GIPC2: variants seen among roughly 807,000 people sequenced by gnomAD.
The protein encoded by GIPC2 is GIPC PDZ domain containing family member 2.
Under a neutral mutation model 30.6 loss-of-function variants are expected in GIPC2, and 30 were observed. The ratio of observed to expected loss-of-function variants is 0.98; its 90% CI spans 0.73 to 1.33. The LOEUF is 1.33. GIPC2 is among the 40% of genes most tolerant of loss of function. The pLI, the probability that GIPC2 is intolerant of heterozygous loss-of-function variation, is 0.00. For synonymous variants in GIPC2, 167 were observed against 150.0 expected, an observed-to-expected ratio of 1.11 and a Z score of -0.83; for missense variants, 414 against 390.3, an observed-to-expected ratio of 1.06 and a Z score of -0.51.
chr1:78,051,494 C>T lies in GIPC2; in HGVS notation c.240+5160C>T, dbSNP rs115458555. ...CAGAGTACTTGAGAAGCAGAAAAGG[C>T]AAGAAGTGTTATTCTTTTTTTTTTG... On this transcript the variant is annotated intron_variant, in intron 1 of 5. Coordinates refer to ENST00000370759, the MANE Select transcript of GIPC2 (RefSeq NM_017655.6). 3.0e-3 allele frequency among the ~76,000 whole-genome samples: 464 copies of T among 152,226 alleles called. 2 individuals carry two copies. The highest frequency in any genetic ancestry group is 0.01 in the Middle Eastern group (3 of 294).
At chr1:78,124,997 A>C (rs1662756034) in intron 4 of GIPC2, among the ~76,000 whole-genome samples, 1 of 151,982 alleles carries the variant, frequency 6.6e-6, no homozygotes, top group South Asian at 2.1e-4. Context: ...AAACAAAACA[A>C]AGCAAGACAA....
chr1:78,116,980 A>G (rs1415249515), intron 3 of GIPC2, among the ~76,000 whole-genome samples: 1 of 151,234 alleles, frequency 6.6e-6, no homozygotes, highest in African/African-American at 2.4e-5. Context: ...CAACAGTGTA[A>G]AAGTGTTCCT....
chr1:78,095,810 G>A (rs79866497), intron 3 of GIPC2, among the ~76,000 whole-genome samples: 2,297 of 152,170 alleles, frequency 0.015, 65 homozygotes, highest in African/African-American at 0.053. Flanking sequence ...ATTCATCAGC[G>A]TTAAAATATC....
chr1:78,124,039 A>G (rs1164509520), intron 4 of GIPC2, among the ~76,000 whole-genome samples: 3 of 152,252 alleles, frequency 2.0e-5, no homozygotes, highest in Non-Finnish European at 4.4e-5. Flanking sequence ...ACAAAACAAC[A>G]TATATTTATA....
chr1:78,071,797 C>T (rs867390291), intron 1 of GIPC2, among the ~76,000 whole-genome samples: 3 of 152,080 alleles, frequency 2.0e-5, no homozygotes, highest in African/African-American at 4.8e-5. Flanking sequence ...AGAAAAAGCC[C>T]GAATTCTAGT....
intron 2 of GIPC2, among the ~76,000 whole-genome samples, chr1:78,083,405 T>C (rs1661868855): frequency 6.6e-6 from 1 of 152,200 alleles, no homozygotes; most frequent in Admixed American, 6.5e-5. Context: ...TTTGTCTCAT[T>C]GTTTGTGAGA....
chr1:78,049,893 C>CTTTTT (rs35263483), intron 1 of GIPC2, among the ~76,000 whole-genome samples: 17 of 98,464 alleles, frequency 1.7e-4, no homozygotes, highest in Non-Finnish European at 2.0e-4. Flanking sequence ...AGAAAAACCT[C>CTTTTT]TTTTTTTTTT....
At chr1:78,134,360 G>GTA (rs998784697) in intron 5 of GIPC2, among the ~76,000 whole-genome samples, 2 of 151,494 alleles carry the variant, frequency 1.3e-5, no homozygotes, top group African/African-American at 2.4e-5. Context: ...GTGTGTGTGT[G>GTA]TGTATGTATG....
At chr1:78,089,029 C>T (rs1661988914) in intron 2 of GIPC2, 1 of 152,112 alleles carries the variant, frequency 6.6e-6, no homozygotes, top group African/African-American at 2.4e-5. Flanking sequence ...TCACCATGTG[C>T]AGAGACCATG....
upstream of GIPC2, chr1:78,045,934 G>C (rs1165670692): frequency 7.4e-7 from 1 of 1,357,408 alleles, no homozygotes; most frequent in East Asian, 3.1e-5. Flanking sequence ...CCGGTCCAGG[G>C]GTGGAGGTCG....
chr1:78,051,251 T>C (rs947336543), intron 1 of GIPC2, among the ~76,000 whole-genome samples: 7 of 151,892 alleles, frequency 4.6e-5, no homozygotes, highest in African/African-American at 7.2e-5. Context: ...AACAAAGAAA[T>C]ATTATTAACA....
intron 1 of GIPC2, among the ~76,000 whole-genome samples, chr1:78,055,929 G>A (rs1429315676): frequency 2.0e-5 from 3 of 152,084 alleles, no homozygotes; most frequent in Admixed American, 6.6e-5. Flanking sequence ...AGTATTTTCC[G>A]TTCTCTATGA....
At chr1:78,070,667 T>C (rs1285443372) in intron 1 of GIPC2, among the ~76,000 whole-genome samples, 2 of 152,222 alleles carry the variant, frequency 1.3e-5, no homozygotes, top group Non-Finnish European at 2.9e-5. Context: ...CTTTGGGATT[T>C]TGATTTTCTT....
intron 5 of GIPC2, 50 bp from the exon 6 acceptor site, chr1:78,135,542 C>T: frequency 2.6e-6 from 3 of 1,138,494 alleles, no homozygotes; most frequent in South Asian, 1.5e-5. Context: ...TTTCTCAGTC[C>T]TTTGATGCTA....
In GIPC2 at chr1:78,136,523, C is replaced by A. The variant is rs372483816; in HGVS notation, c.*780C>A. On this transcript the variant is annotated 3_prime_UTR_variant, in exon 6 of 6. Coordinates refer to ENST00000370759, the MANE Select transcript of GIPC2 (RefSeq NM_017655.6). ...TCACTCATAGCCACTTTTATGTTAC[C>A]TTTTATAAGCACTCCAGGGAAGATT... 1 of 147,482 alleles carries A rather than the reference C, an allele frequency of 6.8e-6. No homozygotes were observed. The highest frequency in any genetic ancestry group is 2.5e-5 in the African/African-American group (1 of 40,030). The allele number at this position is 147,482 out of a possible 1,614,324, so 9.1% of individuals were successfully genotyped here.
intron 5 of GIPC2, among the ~76,000 whole-genome samples, chr1:78,133,079 G>A (rs1662930152): frequency 6.6e-6 from 1 of 152,160 alleles, no homozygotes; most frequent in Non-Finnish European, 1.5e-5. Flanking sequence ...ACTTTCCCCA[G>A]TGCATGCTAA....
intron 1 of GIPC2, among the ~76,000 whole-genome samples, chr1:78,055,981 C>G (rs1661288182): frequency 6.6e-6 from 1 of 152,190 alleles, no homozygotes; most frequent in African/African-American, 2.4e-5. Flanking sequence ...CTCTCCCCTA[C>G]TCTTTCCCTG....
chr1:78,046,791 A>G (rs1279239796), intron 1 of GIPC2, among the ~76,000 whole-genome samples: 5 of 151,016 alleles, frequency 3.3e-5, no homozygotes, highest in Non-Finnish European at 7.4e-5. Context: ...GGGGAAAAAA[A>G]AAATAGAAGT....
At chr1:78,091,350 C>T in intron 2 of GIPC2, 3 of 465,838 alleles carry the variant, frequency 6.4e-6, no homozygotes, top group Non-Finnish European at 7.8e-6. Flanking sequence ...AGTTGCTGAT[C>T]ATGGCGACTG....
Sources: allele counts gnomAD v4.1 joint callset (sites outside exome capture counted in the v4.1 genomes callset), GRCh38; gene constraint gnomAD v4.1.1; transcripts MANE v1.5; gene names NCBI Gene and HGNC (gene_info 2026-07-23, HGNC 2026-07-21).